Variants in ZFHX4 observed in about 807,000 individuals in gnomAD.
The protein encoded by ZFHX4 is zinc finger homeobox protein 4.
A neutral mutation model predicts 267.6 loss-of-function variants in ZFHX4; 56 were observed. That is an observed-to-expected ratio of 0.21 (90% CI 0.17 to 0.26). The LOEUF is 0.26. Ranked by LOEUF, ZFHX4 falls within the 10% of genes least tolerant of loss-of-function variation. ZFHX4 has a pLI of 1.00. For missense variants in ZFHX4, 4,332 were observed against 4,420.0 expected (o/e 0.98, Z 0.56); for synonymous variants, 1,778 against 1,665.6 (o/e 1.07, Z -1.64).
At chr8:76,781,181 CA>C (rs1354040444) in intron 4 of ZFHX4, among the ~76,000 whole-genome samples, 1 of 151,984 alleles carries the variant, frequency 6.6e-6, no homozygotes, top group Non-Finnish European at 1.5e-5. Flanking sequence ...GATATTCATC[CA>C]GTGGTTTTTG....
At chr8:76,856,897 T>C (rs1197141591) in intron 10 of ZFHX4, among the ~76,000 whole-genome samples, 1 of 152,210 alleles carries the variant, frequency 6.6e-6, no homozygotes, top group Non-Finnish European at 1.5e-5. Flanking sequence ...GAATTTAGCA[T>C]TGCTATACAA....
chr8:76,775,604 T>G (rs1045289571), intron 3 of ZFHX4, among the ~76,000 whole-genome samples: 1 of 152,230 alleles, frequency 6.6e-6, no homozygotes, highest in African/African-American at 2.4e-5. Flanking sequence ...GCCATGGCTC[T>G]AATCCCTGAC....
chr8:76,849,406 G>A, intron 7 of ZFHX4, 106 bp from the exon 8 acceptor site: 1 of 1,054,582 alleles, frequency 9.5e-7, no homozygotes. Flanking sequence ...ATTACACATT[G>A]TAAGCATGTA....
intron 4 of ZFHX4, among the ~76,000 whole-genome samples, chr8:76,796,325 A>G (rs950047763): frequency 1.3e-5 from 2 of 152,198 alleles, no homozygotes; most frequent in Non-Finnish European, 2.9e-5. Flanking sequence ...TGATTTCTAT[A>G]GAATATGTAG....
Position 76,704,681 on chromosome 8 carries a change from C to T in ZFHX4, c.593C>T (p.Ala198Val), listed in dbSNP as rs2131605906. The T allele has an allele frequency of 1.2e-6, 2 of 1,614,044 alleles. No individual in the cohort carries two copies. The highest frequency in any genetic ancestry group is 8.5e-7 in the Non-Finnish European group (1 of 1,179,908). Residue 198 changes from alanine to valine, a missense_variant, in exon 2 of 11, where the codon GCT becomes GTT. This residue lies in a region of ZFHX4 where 1,195 missense variants were observed against 1,173.6 expected (regional missense o/e 1.02). Coordinates refer to ENST00000651372, the MANE Select transcript of ZFHX4 (RefSeq NM_024721.5). ...CAGATCATCAACACTTTTCATATCGCTTCATCCCTCGGGAAACCATTTACA... is the reference window on the plus strand; with the variant it reads ...CAGATCATCAACACTTTTCATATCGTTTCATCCCTCGGGAAACCATTTACA... ...YPQIINTFHI[A>V]SSLGKPFTAD... is the part of the protein sequence containing the mutation.
At chr8:76,776,052 G>C (rs1810393446) in intron 3 of ZFHX4, among the ~76,000 whole-genome samples, 1 of 151,970 alleles carries the variant, frequency 6.6e-6, no homozygotes, top group Admixed American at 6.6e-5. Context: ...AAGGAAATGT[G>C]TTGTTAAATA....
chr8:76,777,838 T>C (rs891582086), intron 3 of ZFHX4, among the ~76,000 whole-genome samples: 1 of 151,782 alleles, frequency 6.6e-6, no homozygotes, highest in African/African-American at 2.4e-5. Flanking sequence ...CCAGGTATTC[T>C]CATACCTTGA....
At chr8:76,800,706 T>G (rs1449942253) in intron 4 of ZFHX4, among the ~76,000 whole-genome samples, 1 of 152,350 alleles carries the variant, frequency 6.6e-6, no homozygotes, top group East Asian at 1.9e-4. Flanking sequence ...ATCAGCAGAC[T>G]TCACGCTTAA....
rs1437638064 is a variant in ZFHX4, at chr8:76,707,950, C to T, written c.2995C>T (p.Leu999=). Residue 999 remains leucine (L), a synonymous_variant, in exon 3 of 11, where the codon CTA becomes TTA. Transcript: ENST00000651372. ...KCIAIGNPVH[L]KCNACDYYTN... is the part of the protein sequence containing the mutation. ...TATTGCCATTGGCAACCCTGTTCAC[C>T]TAAAATGTAACGCCTGTGACTATTA... The T allele has an allele frequency of 2.5e-6, 4 of 1,613,990 alleles. No homozygotes were observed. The highest frequency in any genetic ancestry group is 3.4e-6 in the Non-Finnish European group (4 of 1,179,926).
rs1812533852 is a variant in ZFHX4, at chr8:76,851,818, G to C, written c.4897G>C (p.Ala1633Pro). The part of the protein sequence containing the change: ...AAKLEPSGHV[A>P]GGHSIAANVN... ...AAAGCTGGAGCCCAGTGGTCATGTG[G>C]CTGGTGGGCACAGCATTGCAGCAAA... Residue 1633 changes from alanine to proline, a missense_variant, in exon 10 of 11, where the codon GCT (alanine) becomes CCT (proline). Ala to Pro is a conservative substitution (Grantham distance 27). Transcript: ENST00000651372. 6.2e-7 allele frequency: 1 copy of C among 1,613,848 alleles called. No homozygotes were observed.
Position 76,856,153 on chromosome 8 carries a change from G to A in ZFHX4, c.9232G>A (p.Val3078Ile), listed in dbSNP as rs1472328358. 9.3e-6 allele frequency: 15 copies of A among 1,613,874 alleles called. No homozygotes were observed. Among genetic ancestry groups the A allele is most frequent in the Non-Finnish European group, 1.3e-5 (15 of 1,179,874 alleles). The part of the protein sequence containing the change: ...KKASDVLGLT[V>I]QQPGMMDSSS... ...AGCTTCAGACGTGCTGGGCTTGACG[G>A]TACAGCAGCCAGGCATGATGGACAG... The change falls in exon 10 of 11, where the codon GTA (valine) becomes ATA (isoleucine). Residue 3078 changes from valine (V) to isoleucine (I), a missense_variant. By Grantham distance (29) the Val-to-Ile change is conservative (BLOSUM62 3). Transcript: ENST00000651372.
At chr8:76,716,008 G>A (rs1015835806) in intron 3 of ZFHX4, among the ~76,000 whole-genome samples, 6 of 152,200 alleles carry the variant, frequency 3.9e-5, no homozygotes, top group African/African-American at 1.2e-4. Flanking sequence ...TTTGTTCCTC[G>A]ATATCTGCTA....
chr8:76,837,411 G>A (rs1390105105), intron 5 of ZFHX4, among the ~76,000 whole-genome samples: 1 of 151,344 alleles, frequency 6.6e-6, no homozygotes, highest in Non-Finnish European at 1.5e-5. Context: ...GTGACTTTGA[G>A]AGGAGGAATT....
At chr8:76,860,641 G>T (rs1812841200) in intron 10 of ZFHX4, among the ~76,000 whole-genome samples, 1 of 152,024 alleles carries the variant, frequency 6.6e-6, no homozygotes, top group Admixed American at 6.6e-5. Flanking sequence ...TAGAACTAAG[G>T]TTGGTTTTGT....
Position 76,704,951 on chromosome 8 carries a change from G to A in ZFHX4, c.863G>A (p.Gly288Asp), listed in dbSNP as rs760824197. 2 of 1,613,906 alleles carry A rather than the reference G, an allele frequency of 1.2e-6. No individual in the cohort carries two copies. The highest frequency in any genetic ancestry group is 1.3e-5 in the African/African-American group (1 of 74,928). Residue 288 changes from glycine (G) to aspartate (D), a missense_variant, in exon 2 of 11, where the codon GGT (glycine) becomes GAT (aspartate). Gly to Asp is a moderately conservative substitution (Grantham distance 94, BLOSUM62 -1). Coordinates refer to ENST00000651372, the MANE Select transcript of ZFHX4 (RefSeq NM_024721.5). ...LMCFLCKLSF[G>D]YIRSFVTHAV... ...TGTTTCTTGTGCAAGTTGTCTTTTGGTTATATCAGGTCATTTGTAACCCAT... is the reference window on the plus strand; with the variant it reads ...TGTTTCTTGTGCAAGTTGTCTTTTGATTATATCAGGTCATTTGTAACCCAT...
At position 76,864,046 on chromosome 8, in the gene ZFHX4, C is replaced by A; in HGVS notation, c.10332C>A (p.Val3444=). 1 of 1,613,832 alleles carries A rather than the reference C, an allele frequency of 6.2e-7. No individual in the cohort carries two copies. The highest frequency in any genetic ancestry group is 8.5e-7 in the Non-Finnish European group (1 of 1,179,858). The part of the protein sequence containing the change: ...DPQETVLRVP[V]SKYQCLACDV... Reference sequence around the variant, plus strand: ...AAGAGACAGTGCTTCGTGTCCCAGTCAGCAAATATCAGTGTCTTGCCTGTG... The same window carrying A: ...AAGAGACAGTGCTTCGTGTCCCAGTAAGCAAATATCAGTGTCTTGCCTGTG... Residue 3444 remains valine, a synonymous_variant, in exon 11 of 11, where the codon GTC becomes GTA. Transcript: ENST00000651372.
chr8:76,848,343 C>T (rs887416230), intron 6 of ZFHX4, among the ~76,000 whole-genome samples: 6 of 152,174 alleles, frequency 3.9e-5, no homozygotes, highest in African/African-American at 1.4e-4. Context: ...AATCTGAAAT[C>T]ATTTTTAACA....
intron 3 of ZFHX4, among the ~76,000 whole-genome samples, chr8:76,733,668 C>A (rs1020961053): frequency 8.5e-5 from 13 of 152,070 alleles, no homozygotes; most frequent in Non-Finnish European, 1.9e-4. Context: ...TATTCATATG[C>A]TGTTCCTTCT....
chr8:76,844,259 G>T (rs979810843), intron 6 of ZFHX4, among the ~76,000 whole-genome samples: 2 of 152,144 alleles, frequency 1.3e-5, no homozygotes, highest in African/African-American at 4.8e-5. Context: ...GCAAGGTTCT[G>T]TCTGTATTCA....
Sources: gnomAD v4.1 joint callset for allele counts (sites outside exome capture counted in the v4.1 genomes callset) on GRCh38, gnomAD v4.1.1 for gene constraint, gnomAD v4.1.1 regional missense constraint, MANE v1.5 for transcripts, NCBI Gene and HGNC (gene_info 2026-07-23, HGNC 2026-07-21) for gene names.